DMRT1: variants seen among roughly 807,000 people sequenced by gnomAD.
The protein encoded by DMRT1 is doublesex- and mab-3-related transcription factor 1.
In DMRT1, 7 loss-of-function variants were observed where a neutral mutation model predicts 32.3. The observed-to-expected ratio is 0.22, with a 90% CI of 0.12 to 0.41. The LOEUF is 0.41. DMRT1 is among the 10% of genes least tolerant of loss of function. The pLI is 1.00. For missense variants in DMRT1, 625 were observed against 500.5 expected (o/e 1.25, Z -2.37); for synonymous variants, 278 against 206.1 (o/e 1.35, Z -2.99).
chr9:855,742 C>G (rs554805365), intron 2 of DMRT1, among the ~76,000 whole-genome samples: 1 of 152,330 alleles, frequency 6.6e-6, no homozygotes, highest in East Asian at 1.9e-4. Context: ...CTTCAGTCCC[C>G]AAGTACCTTG....
intron 3 of DMRT1, among the ~76,000 whole-genome samples, chr9:916,136 C>G (rs886236999): frequency 6.6e-6 from 1 of 152,174 alleles, no homozygotes; most frequent in Non-Finnish European, 1.5e-5. Context: ...TGATAACTTG[C>G]GCCCGTTCAA....
chr9:956,631 T>G (rs758580408), intron 4 of DMRT1, among the ~76,000 whole-genome samples: 1 of 151,552 alleles, frequency 6.6e-6, no homozygotes, highest in Non-Finnish European at 1.5e-5. Flanking sequence ...TTTTAAATGA[T>G]GAAATGATAA....
chr9:945,457 G>A (rs1328787846), intron 4 of DMRT1, among the ~76,000 whole-genome samples: 2 of 152,088 alleles, frequency 1.3e-5, no homozygotes, highest in East Asian at 3.9e-4. Context: ...TATCTGGCCT[G>A]TTTCTGTCTT....
At chr9:896,017 A>T (rs4740962) in intron 3 of DMRT1, among the ~76,000 whole-genome samples, 4,769 of 151,612 alleles carry the variant, frequency 0.031, 207 homozygotes, top group East Asian at 0.14. Flanking sequence ...GGTGGCCACG[A>T]TGGTCTGTAT....
intron 2 of DMRT1, among the ~76,000 whole-genome samples, chr9:878,372 G>T (rs1183088348): frequency 6.6e-6 from 1 of 152,196 alleles, no homozygotes; most frequent in Non-Finnish European, 1.5e-5. Context: ...GCCTCACTAA[G>T]TAGAGGTGGT....
intron 3 of DMRT1, among the ~76,000 whole-genome samples, chr9:916,315 A>G (rs1818180412): frequency 6.6e-6 from 1 of 152,122 alleles, no homozygotes; most frequent in Non-Finnish European, 1.5e-5. Context: ...AGTACATTGG[A>G]AGAGCATATT....
chr9:920,901 T>G (rs1196644130), intron 4 of DMRT1, among the ~76,000 whole-genome samples: 1 of 152,062 alleles, frequency 6.6e-6, no homozygotes, highest in African/African-American at 2.4e-5. Flanking sequence ...AGATAAGAAA[T>G]AGAGAGGAAA....
chr9:968,597 G>A lies in DMRT1; in HGVS notation c.*458G>A. The A allele has an allele frequency of 6.1e-6, 1 of 163,620 alleles. No homozygotes were observed. Among genetic ancestry groups the A allele is most frequent in the Non-Finnish European group, 1.3e-5 (1 of 74,604 alleles). The allele number at this position is 163,620 out of a possible 1,614,324, so 10.1% of individuals were successfully genotyped here. ...TTACCTGACGGGTGAGAAGAAAAGA[G>A]CAGGCAAAATTAGTGATTTTTTTAG... On this transcript the variant is annotated 3_prime_UTR_variant, in exon 5 of 5. Transcript: ENST00000382276.
chr9:951,700 G>T (rs1819432269), intron 4 of DMRT1, among the ~76,000 whole-genome samples: 2 of 152,216 alleles, frequency 1.3e-5, no homozygotes, highest in Non-Finnish European at 2.9e-5. Flanking sequence ...GGAGCAGATT[G>T]AGGGAGGGTA....
At chr9:929,474 G>A (rs182986660) in intron 4 of DMRT1, among the ~76,000 whole-genome samples, 1 of 151,946 alleles carries the variant, frequency 6.6e-6, no homozygotes, top group African/African-American at 2.4e-5. Context: ...GATTGATGTT[G>A]TTTAGTAATT....
At chr9:946,002 A>G (rs1358931650) in intron 4 of DMRT1, among the ~76,000 whole-genome samples, 1 of 152,098 alleles carries the variant, frequency 6.6e-6, no homozygotes, top group Non-Finnish European at 1.5e-5. Flanking sequence ...GGTCTTAGAG[A>G]TCTTACATGT....
chr9:947,644 G>C (rs959380197), intron 4 of DMRT1, among the ~76,000 whole-genome samples: 3 of 151,996 alleles, frequency 2.0e-5, no homozygotes, highest in Non-Finnish European at 4.4e-5. Context: ...ATTTTTTTGA[G>C]ACAGAGTCTG....
chr9:887,348 C>A (rs895179932), intron 2 of DMRT1, among the ~76,000 whole-genome samples: 3 of 152,204 alleles, frequency 2.0e-5, no homozygotes, highest in Non-Finnish European at 4.4e-5. Flanking sequence ...AGCACCTAGT[C>A]TATTCCCCCA....
intron 2 of DMRT1, among the ~76,000 whole-genome samples, chr9:850,854 C>A (rs7033169): frequency 6.6e-6 from 1 of 151,432 alleles, no homozygotes; most frequent in African/African-American, 2.4e-5. Context: ...CATGGCGAAA[C>A]CCCATCTCTA....
intron 2 of DMRT1, among the ~76,000 whole-genome samples, chr9:856,328 G>T (rs1815399822): frequency 6.6e-6 from 1 of 152,110 alleles, no homozygotes; most frequent in African/African-American, 2.4e-5. Flanking sequence ...GTGTTTTTTA[G>T]TAAATTCACA....
At chr9:910,724 C>T (rs1053244399) in intron 3 of DMRT1, among the ~76,000 whole-genome samples, 1 of 152,088 alleles carries the variant, frequency 6.6e-6, no homozygotes, top group African/African-American at 2.4e-5. Context: ...CCATGAGCAT[C>T]CTCCACCAGC....
At chr9:958,634 C>A (rs760149762) in intron 4 of DMRT1, among the ~76,000 whole-genome samples, 1 of 152,132 alleles carries the variant, frequency 6.6e-6, no homozygotes, top group African/African-American at 2.4e-5. Context: ...CCTAACTCTC[C>A]GGGGGTTACA....
chr9:898,703 A>T (rs1228938613), intron 3 of DMRT1, among the ~76,000 whole-genome samples: 2 of 152,206 alleles, frequency 1.3e-5, no homozygotes, highest in Non-Finnish European at 2.9e-5. Flanking sequence ...CTCAACCTTG[A>T]GGCCAGAATG....
intron 1 of DMRT1, among the ~76,000 whole-genome samples, chr9:846,191 G>A (rs1023125261): frequency 6.6e-6 from 1 of 151,864 alleles, no homozygotes; most frequent in Non-Finnish European, 1.5e-5. Context: ...TAACATGCCT[G>A]GCTAATTTTT....
Sources: gnomAD v4.1 joint callset for allele counts (sites outside exome capture counted in the v4.1 genomes callset) on GRCh38, gnomAD v4.1.1 for gene constraint, MANE v1.5 for transcripts, NCBI Gene and HGNC (gene_info 2026-07-23, HGNC 2026-07-21) for gene names.